CDH18: variants seen among roughly 807,000 people sequenced by gnomAD.
The protein encoded by CDH18 is cadherin 18, also known as cadherin-18.
Under a neutral mutation model 67.9 loss-of-function variants are expected in CDH18, and 31 were observed. That is an observed-to-expected ratio of 0.46 (90% CI 0.34 to 0.62). The LOEUF (loss-of-function observed/expected upper bound fraction) is 0.62. CDH18 is among the 20% of genes least tolerant of loss of function. CDH18 has a pLI of 0.01. For synonymous variants in CDH18, 362 were observed against 347.2 expected, an observed-to-expected ratio of 1.04 and a Z score of -0.48; for missense variants, 890 against 975.5, an observed-to-expected ratio of 0.91 and a Z score of 1.17.
At chr5:20,172,239 T>C (rs866667660) in intron 2 of CDH18, among the ~76,000 whole-genome samples, 243 of 53,820 alleles carry the variant, frequency 4.5e-3, no homozygotes, top group East Asian at 6.5e-3. Context: ...TATATATATA[T>C]GTATATATAT....
chr5:20,238,091 T>G (rs547607052), intron 2 of CDH18, among the ~76,000 whole-genome samples: 1 of 151,762 alleles, frequency 6.6e-6, no homozygotes, highest in Non-Finnish European at 1.5e-5. Flanking sequence ...AGGAAAAAAA[T>G]CGATCTATAT....
At chr5:19,909,815 A>G (rs1402053260) in intron 2 of CDH18, among the ~76,000 whole-genome samples, 1 of 152,186 alleles carries the variant, frequency 6.6e-6, no homozygotes, top group Non-Finnish European at 1.5e-5. Context: ...GTATTTGGTA[A>G]CAGATTCAGT....
intron 1 of CDH18, among the ~76,000 whole-genome samples, chr5:20,571,765 C>T (rs77516137): frequency 0.011 from 1,640 of 152,220 alleles, 33 homozygotes; most frequent in African/African-American, 0.038. Context: ...TGATTGAACT[C>T]CATGATTCAT....
At chr5:20,336,123 A>G (rs1053256228) in intron 1 of CDH18, among the ~76,000 whole-genome samples, 2 of 151,948 alleles carry the variant, frequency 1.3e-5, no homozygotes, top group Non-Finnish European at 2.9e-5. Flanking sequence ...GGCAGATGGA[A>G]CCCCACTTGG....
chr5:20,413,895 T>C (rs1747030111), intron 1 of CDH18, among the ~76,000 whole-genome samples: 1 of 152,212 alleles, frequency 6.6e-6, no homozygotes, highest in Non-Finnish European at 1.5e-5. Flanking sequence ...CCCATGCCTG[T>C]AACCTGAATG....
chr5:20,537,407 T>C (rs1371636060), intron 1 of CDH18, among the ~76,000 whole-genome samples: 1 of 152,154 alleles, frequency 6.6e-6, no homozygotes, highest in African/African-American at 2.4e-5. Flanking sequence ...GATTTTTTAT[T>C]GTGGAAAGTA....
intron 2 of CDH18, among the ~76,000 whole-genome samples, chr5:20,132,278 C>T (rs1749332596): frequency 6.6e-6 from 1 of 152,102 alleles, no homozygotes; most frequent in Admixed American, 6.6e-5. Context: ...GGCTTTTACA[C>T]TTCCATAATT....
At chr5:20,111,586 C>G (rs1490139515) in intron 2 of CDH18, among the ~76,000 whole-genome samples, 1 of 125,604 alleles carries the variant, frequency 8.0e-6, no homozygotes, top group African/African-American at 3.1e-5. Context: ...CTTGCTCTGT[C>G]GCCAGGCTGG....
intron 5 of CDH18, among the ~76,000 whole-genome samples, chr5:19,641,142 C>CAAA (rs3062887): frequency 8.9e-6 from 1 of 112,372 alleles, no homozygotes; most frequent in Non-Finnish European, 1.8e-5. Context: ...CTAAATTTTT[C>CAAA]AAAAAAAAAA....
intron 1 of CDH18, among the ~76,000 whole-genome samples, chr5:19,981,798 G>C (rs966889337): frequency 6.6e-6 from 1 of 152,078 alleles, no homozygotes; most frequent in African/African-American, 2.4e-5. Flanking sequence ...CCTGGAATAT[G>C]GTTCCTGAGA....
intron 1 of CDH18, among the ~76,000 whole-genome samples, chr5:20,437,901 T>A (rs1403067171): frequency 6.6e-6 from 1 of 151,396 alleles, no homozygotes; most frequent in Admixed American, 6.6e-5. Flanking sequence ...TCACATTCTA[T>A]TACCATTTCA....
chr5:20,419,050 A>G (rs961837020), intron 1 of CDH18, among the ~76,000 whole-genome samples: 30 of 151,778 alleles, frequency 2.0e-4, no homozygotes, highest in African/African-American at 6.8e-4. Context: ...TATCTCCTAG[A>G]ATTCTCACGT....
intron 1 of CDH18, among the ~76,000 whole-genome samples, chr5:20,431,137 G>T (rs1174825509): frequency 1.3e-5 from 2 of 152,046 alleles, no homozygotes; most frequent in African/African-American, 4.8e-5. Flanking sequence ...GACAATCTCA[G>T]ACTAATAGCT....
At chr5:19,607,396 T>C (rs2150089349) in intron 6 of CDH18, among the ~76,000 whole-genome samples, 1 of 151,528 alleles carries the variant, frequency 6.6e-6, no homozygotes, top group East Asian at 1.9e-4. Context: ...ATTAAACAGT[T>C]TTAAAGTCAT....
At chr5:20,311,634 G>C (rs1737003148) in intron 1 of CDH18, among the ~76,000 whole-genome samples, 1 of 152,002 alleles carries the variant, frequency 6.6e-6, no homozygotes, top group South Asian at 2.1e-4. Context: ...ATCACACACT[G>C]GGCCTGTCAG....
intron 1 of CDH18, among the ~76,000 whole-genome samples, chr5:20,465,418 T>C (rs1751569048): frequency 6.6e-6 from 1 of 152,052 alleles, no homozygotes; most frequent in Non-Finnish European, 1.5e-5. Flanking sequence ...ATATTGGTAG[T>C]GATACAGAAA....
At chr5:20,453,185 T>A (rs972042268) in intron 1 of CDH18, among the ~76,000 whole-genome samples, 1 of 152,196 alleles carries the variant, frequency 6.6e-6, no homozygotes, top group Non-Finnish European at 1.5e-5. Flanking sequence ...GGTAGAGAGA[T>A]AAACGGTATG....
chr5:20,209,605 T>G (rs563248490), intron 2 of CDH18, among the ~76,000 whole-genome samples: 1 of 151,894 alleles, frequency 6.6e-6, no homozygotes, highest in South Asian at 2.1e-4. Flanking sequence ...AAAATTGGCA[T>G]AGGGAGATAA....
In CDH18 at chr5:20,054,342, T is replaced by C. The variant is rs149045676; in HGVS notation, c.-517-62328A>G. 1.3e-4 allele frequency among the ~76,000 whole-genome samples: 20 copies of C among 152,312 alleles called. No individual in the cohort carries two copies. In the East Asian group the frequency reaches 3.7e-3, roughly 28 times the overall value. On this transcript the variant is annotated intron_variant, in intron 2 of 14. Transcript: ENST00000507958. Reference sequence around the variant, plus strand: ...TTCAAGTGGTCAACTCAGAATGACATTCATGTGCCATTATTATCTTTTAAT... The same window carrying C: ...TTCAAGTGGTCAACTCAGAATGACACTCATGTGCCATTATTATCTTTTAAT...
Sources: allele counts gnomAD v4.1 joint callset (sites outside exome capture counted in the v4.1 genomes callset), GRCh38; gene constraint gnomAD v4.1.1; transcripts MANE v1.5; gene names NCBI Gene and HGNC (gene_info 2026-07-23, HGNC 2026-07-21).